XNDC1N: variants seen among roughly 807,000 people sequenced by gnomAD.
The protein encoded by XNDC1N is XRCC1 N-terminal domain containing 1, N-terminal like.
the XNDC1N span, chr11:71,917,771 A>T: frequency 2.0e-5 from 14 of 703,244 alleles, no homozygotes; most frequent in Non-Finnish European, 3.1e-5. Context: ...GCACAGCCAC[A>T]GTTACCTGGG....
the XNDC1N span, chr11:71,903,968 A>T: frequency 2.0e-6 from 1 of 503,522 alleles, no homozygotes; most frequent in African/African-American, 2.0e-5. Flanking sequence ...GTTGGAGGGT[A>T]CCTCGGTTCA....
chr11:71,867,126 T>C, the XNDC1N span, among the ~76,000 whole-genome samples: 1 of 151,710 alleles, frequency 6.6e-6, no homozygotes, highest in Non-Finnish European at 1.5e-5. Flanking sequence ...AGCAATACTA[T>C]GAACACTAAA....
the XNDC1N span, among the ~76,000 whole-genome samples, chr11:71,900,079 T>A: frequency 1.3e-5 from 2 of 152,276 alleles, no homozygotes; most frequent in African/African-American, 4.8e-5. Context: ...TCATAGTACC[T>A]TCCCTTGAAC....
the XNDC1N span, among the ~76,000 whole-genome samples, chr11:71,911,635 C>T: frequency 6.6e-6 from 1 of 152,048 alleles, no homozygotes; most frequent in Non-Finnish European, 1.5e-5. Context: ...CACTGATTCT[C>T]GGTATGTCTT....
chr11:71,890,229 G>A, the XNDC1N span, among the ~76,000 whole-genome samples: 17 of 152,066 alleles, frequency 1.1e-4, no homozygotes, highest in Admixed American at 9.2e-4. Context: ...ACACAGGGTT[G>A]ATGTACACCC....
At chr11:71,905,029 G>A in the XNDC1N span, among the ~76,000 whole-genome samples, 1 of 151,948 alleles carries the variant, frequency 6.6e-6, no homozygotes, top group Non-Finnish European at 1.5e-5. Flanking sequence ...GACCTTAGTG[G>A]TAACATCTCT....
At chr11:71,916,786 T>C in the XNDC1N span, 1 of 157,812 alleles carries the variant, frequency 6.3e-6, no homozygotes, top group Non-Finnish European at 1.4e-5. Context: ...CTTTACAACA[T>C]TACAAATACT....
chr11:71,878,453 A>T, the XNDC1N span: 2 of 1,611,736 alleles, frequency 1.2e-6, no homozygotes, highest in Non-Finnish European at 1.7e-6. Flanking sequence ...CTATTCAACC[A>T]TGAGGGTCTT....
the XNDC1N span, among the ~76,000 whole-genome samples, chr11:71,895,121 T>C: frequency 6.6e-6 from 1 of 152,158 alleles, no homozygotes; most frequent in East Asian, 1.9e-4. Context: ...TGGATTTTTT[T>C]TTTTTTTCTT....
the XNDC1N span, among the ~76,000 whole-genome samples, chr11:71,897,358 T>C: frequency 6.6e-6 from 1 of 152,206 alleles, no homozygotes; most frequent in Non-Finnish European, 1.5e-5. Flanking sequence ...CCATCATATA[T>C]AAAGAACAGC....
chr11:71,923,330 ATGGCTG>A, the XNDC1N span: 4 of 702,936 alleles, frequency 5.7e-6, no homozygotes, highest in Non-Finnish European at 7.8e-6. Context: ...ATGATACCAC[ATGGCTG>A]ATCTTCACAG....
chr11:71,907,729 A>C, the XNDC1N span, among the ~76,000 whole-genome samples: 1 of 152,022 alleles, frequency 6.6e-6, no homozygotes, highest in African/African-American at 2.4e-5. Context: ...GGACGTGTCC[A>C]CTTTCTGTGA....
chr11:71,869,318 C>T, the XNDC1N span, among the ~76,000 whole-genome samples: 28,521 of 151,852 alleles, frequency 0.19, 4,900 homozygotes, highest in African/African-American at 0.45. Flanking sequence ...TTTCTGTCCT[C>T]GGGATAGTTT....
the XNDC1N span, among the ~76,000 whole-genome samples, chr11:71,867,272 G>A: frequency 1.3e-5 from 2 of 152,150 alleles, no homozygotes; most frequent in African/African-American, 2.4e-5. Flanking sequence ...CTAAGTAGAA[G>A]GTCCCCAGCC....
At chr11:71,879,617 G>A in the XNDC1N span, among the ~76,000 whole-genome samples, 1 of 151,610 alleles carries the variant, frequency 6.6e-6, no homozygotes, top group Non-Finnish European at 1.5e-5. Context: ...TATTTTTATT[G>A]AGATAAAATT....
chr11:71,874,800 G>T, the XNDC1N span, among the ~76,000 whole-genome samples: 2 of 152,096 alleles, frequency 1.3e-5, no homozygotes, highest in Non-Finnish European at 2.9e-5. Flanking sequence ...TACTCATTTC[G>T]TTTGACCTTA....
the XNDC1N span, among the ~76,000 whole-genome samples, chr11:71,908,249 T>C: frequency 1.3e-5 from 2 of 151,916 alleles, no homozygotes; most frequent in Non-Finnish European, 2.9e-5. Context: ...TTAATATTAA[T>C]AATTATTAGG....
chr11:71,909,177 G>A, the XNDC1N span, among the ~76,000 whole-genome samples: 2 of 152,166 alleles, frequency 1.3e-5, no homozygotes, highest in African/African-American at 4.8e-5. Context: ...GGCTGGGCTT[G>A]CAGGGATGAA....
the XNDC1N span, among the ~76,000 whole-genome samples, chr11:71,883,842 G>C: frequency 0.091 from 13,805 of 152,194 alleles, 1,115 homozygotes; most frequent in African/African-American, 0.19. Flanking sequence ...ACACTGGGAA[G>C]CTGGAACTAA....
Sources: allele counts gnomAD v4.1 joint callset (sites outside exome capture counted in the v4.1 genomes callset), GRCh38; gene constraint gnomAD v4.1.1; transcripts MANE v1.5; gene names NCBI Gene and HGNC (gene_info 2026-07-23, HGNC 2026-07-21).